ABLIM1: variants seen among roughly 807,000 people sequenced by gnomAD.
The protein encoded by ABLIM1 is actin binding LIM protein 1.
ABLIM1 carries 40 observed loss-of-function variants against 107.0 expected under a neutral mutation model. The observed-to-expected ratio is 0.37, with a 90% confidence interval of 0.29 to 0.49. The LOEUF (loss-of-function observed/expected upper bound fraction) is 0.49. Among genes scored for constraint, ABLIM1 ranks in the 20% least tolerant of loss-of-function variants. ABLIM1 has a pLI of 0.97. For missense variants in ABLIM1, 857 were observed against 1,008.5 expected, an observed-to-expected ratio of 0.85 and a Z score of 2.04; for synonymous variants, 357 against 357.3, an observed-to-expected ratio of 1.00 and a Z score of 0.01.
At chr10:114,567,890 T>C (rs761144762) in intron 4 of ABLIM1, among the ~76,000 whole-genome samples, 5 of 152,164 alleles carry the variant, frequency 3.3e-5, no homozygotes, top group African/African-American at 4.8e-5. Context: ...GAGATTCACA[T>C]TTAAAAAAGG....
chr10:114,475,975 C>T (rs754271439), intron 8 of ABLIM1, among the ~76,000 whole-genome samples: 2 of 152,228 alleles, frequency 1.3e-5, no homozygotes, highest in Non-Finnish European at 2.9e-5. Flanking sequence ...ATGTGGGCAC[C>T]ACTGAGCCAA....
At chr10:114,683,211 G>C (rs1591819521) in intron 1 of ABLIM1, among the ~76,000 whole-genome samples, 1 of 152,222 alleles carries the variant, frequency 6.6e-6, no homozygotes, top group African/African-American at 2.4e-5. Context: ...GGCTGTTCTT[G>C]GCTGACCACC....
intron 1 of ABLIM1, among the ~76,000 whole-genome samples, chr10:114,666,535 A>G (rs2080031736): frequency 6.6e-6 from 1 of 152,204 alleles, no homozygotes; most frequent in Admixed American, 6.5e-5. Context: ...AAACAACAAC[A>G]TGGTCAGTAA....
the ABLIM1 span, among the ~76,000 whole-genome samples, chr10:114,782,843 T>C: frequency 1.3e-5 from 2 of 151,990 alleles, no homozygotes; most frequent in Non-Finnish European, 2.9e-5. Context: ...GGAGGTAGAA[T>C]TGACAGGATT....
the ABLIM1 span, among the ~76,000 whole-genome samples, chr10:114,793,311 T>C: frequency 6.6e-6 from 1 of 152,010 alleles, no homozygotes; most frequent in East Asian, 1.9e-4. Flanking sequence ...TGAGATCTGG[T>C]TGTCTGAAAG....
chr10:114,675,798 G>A (rs182131049), intron 1 of ABLIM1, among the ~76,000 whole-genome samples: 7 of 152,268 alleles, frequency 4.6e-5, no homozygotes, highest in African/African-American at 1.2e-4. Flanking sequence ...GTGCAGAGTC[G>A]GTTCCTTCTG....
chr10:114,744,905 G>A (rs991936598), intron 1 of ABLIM1, among the ~76,000 whole-genome samples: 1 of 151,888 alleles, frequency 6.6e-6, no homozygotes, highest in African/African-American at 2.4e-5. Context: ...CACCCCCTTG[G>A]ATGTCTCAGA....
chr10:114,656,269 C>CAAAAAAAA (rs71007486), intron 1 of ABLIM1, among the ~76,000 whole-genome samples: 2 of 63,572 alleles, frequency 3.1e-5, no homozygotes, highest in East Asian at 4.4e-4. Context: ...AACTCCGTCT[C>CAAAAAAAA]AAAAAAAAAA....
chr10:114,519,174 G>A (rs1295142503), intron 6 of ABLIM1, among the ~76,000 whole-genome samples: 1 of 152,156 alleles, frequency 6.6e-6, no homozygotes, highest in Non-Finnish European at 1.5e-5. Flanking sequence ...CTGCTCTGAG[G>A]TCTACTTTTG....
At chr10:114,440,286 C>T (rs2060000347) in intron 19 of ABLIM1, among the ~76,000 whole-genome samples, 197 bp from the exon 20 acceptor site, 1 of 152,206 alleles carries the variant, frequency 6.6e-6, no homozygotes, top group Non-Finnish European at 1.5e-5. Context: ...TGTTAGTTAA[C>T]AGTTAAAACA....
intron 6 of ABLIM1, among the ~76,000 whole-genome samples, chr10:114,493,110 G>A (rs1000841170): frequency 1.3e-5 from 2 of 152,164 alleles, no homozygotes; most frequent in African/African-American, 4.8e-5. Flanking sequence ...GGCTGGAGGA[G>A]AGTGGCGAGA....
chr10:114,592,871 TG>T (rs1376652571), intron 2 of ABLIM1, among the ~76,000 whole-genome samples: 1 of 151,732 alleles, frequency 6.6e-6, no homozygotes, highest in Non-Finnish European at 1.5e-5. Context: ...AAGGTTGGGG[TG>T]GGTATGGGGC....
chr10:114,790,651 A>G, the ABLIM1 span, among the ~76,000 whole-genome samples: 5 of 152,210 alleles, frequency 3.3e-5, no homozygotes, highest in African/African-American at 1.2e-4. Flanking sequence ...CCCATGAATC[A>G]TTTTATTTTT....
chr10:114,695,554 G>A (rs1450438504), intron 1 of ABLIM1, among the ~76,000 whole-genome samples: 3 of 152,120 alleles, frequency 2.0e-5, no homozygotes, highest in Admixed American at 6.5e-5. Flanking sequence ...CTGGGGAGCA[G>A]CAATAATTAT....
intron 1 of ABLIM1, among the ~76,000 whole-genome samples, chr10:114,710,867 C>T (rs2081533388): frequency 6.6e-6 from 1 of 152,240 alleles, no homozygotes; most frequent in South Asian, 2.1e-4. Context: ...CATATTTGCA[C>T]ACTAAGTATT....
upstream of ABLIM1, among the ~76,000 whole-genome samples, chr10:114,685,765 C>T (rs148513445): frequency 1.2e-4 from 19 of 152,222 alleles, no homozygotes; most frequent in African/African-American, 4.6e-4. Context: ...CACCTAATGC[C>T]TTGCATTCTC....
chr10:114,739,972 T>G (rs1042504522), intron 1 of ABLIM1, among the ~76,000 whole-genome samples: 2 of 152,092 alleles, frequency 1.3e-5, no homozygotes, highest in African/African-American at 4.8e-5. Context: ...CTAGATGGAT[T>G]CCCTATTTTC....
intron 6 of ABLIM1, among the ~76,000 whole-genome samples, chr10:114,512,198 T>C (rs897704477): frequency 2.0e-5 from 3 of 152,198 alleles, no homozygotes; most frequent in African/African-American, 7.2e-5. Flanking sequence ...AAGGATGTTT[T>C]TTTCCTGTGC....
intron 2 of ABLIM1, among the ~76,000 whole-genome samples, chr10:114,589,076 T>C (rs957687508): frequency 2.0e-5 from 3 of 152,176 alleles, no homozygotes; most frequent in African/African-American, 4.8e-5. Flanking sequence ...ATTTATGTTT[T>C]AGTTTAACAA....
Sources: gnomAD v4.1 joint callset for allele counts (sites outside exome capture counted in the v4.1 genomes callset) on GRCh38, gnomAD v4.1.1 for gene constraint, MANE v1.5 for transcripts, NCBI Gene and HGNC (gene_info 2026-07-23, HGNC 2026-07-21) for gene names.